SIM1: variants seen among roughly 807,000 people sequenced by gnomAD.
The protein encoded by SIM1 is single-minded homolog 1.
Under a neutral mutation model 78.2 loss-of-function variants are expected in SIM1, and 18 were observed. That is an observed-to-expected ratio of 0.23 (90% confidence interval 0.16 to 0.34). The LOEUF (loss-of-function observed/expected upper bound fraction) is 0.34. Among genes scored for constraint, SIM1 ranks in the 10% least tolerant of loss-of-function variants. SIM1 has a pLI of 1.00. For synonymous variants in SIM1, 417 were observed against 385.2 expected, an observed-to-expected ratio of 1.08 and a Z score of -0.97; for missense variants, 939 against 975.1, an observed-to-expected ratio of 0.96 and a Z score of 0.49.
Position 100,453,832 on chromosome 6 carries a change from G to A in SIM1, c.188C>T (p.Ala63Val), listed in dbSNP as rs755003872. 1 of 1,611,442 alleles carries A rather than the reference G, an allele frequency of 6.2e-7. No homozygotes were observed. The highest frequency in any genetic ancestry group is 8.5e-7 in the Non-Finnish European group (1 of 1,178,846). ...RVVFPEGLGE[A>V]WGHSSRTSPL... ...GCTGGTCCGACTTGAGTGGCCCCACGCCTCGCCGAGCCCTGTGGAGACACA... is the reference window on the plus strand; with the variant it reads ...GCTGGTCCGACTTGAGTGGCCCCACACCTCGCCGAGCCCTGTGGAGACACA... Residue 63 changes from alanine (A) to valine (V), a missense_variant, in exon 3 of 12, where the codon GCG becomes GTG. Around this residue, in one of 5 missense-constraint regions of SIM1, gnomAD observed 121 missense variants for 124.6 expected, o/e 0.97. Transcript: ENST00000369208.
At position 100,388,091 on chromosome 6, in the gene SIM1, A is replaced by T. The variant is rs1481085441; in HGVS notation, c.*2270T>A. The T allele has an allele frequency of 6.6e-6, 1 of 152,164 alleles. No individual in the cohort carries two copies. Among genetic ancestry groups the T allele is most frequent in the Non-Finnish European group, 1.5e-5 (1 of 68,006 alleles). The allele number at this position is 152,164 out of a possible 1,614,324, so 9.4% of individuals were successfully genotyped here. ...TGCAAATTGATCAAAACTCCATTTT[A>T]TGTATTCCAGGATTTCTCATAAATA... On this transcript the variant is annotated 3_prime_UTR_variant, in exon 12 of 12. Coordinates refer to ENST00000369208, the MANE Select transcript of SIM1 (RefSeq NM_005068.3).
chr6:100,422,255 G>T (rs1210403043), intron 9 of SIM1, among the ~76,000 whole-genome samples: 1 of 152,074 alleles, frequency 6.6e-6, no homozygotes, highest in Non-Finnish European at 1.5e-5. Flanking sequence ...CCAGGCTGGA[G>T]TGCAGTGGCA....
At chr6:100,406,990 AC>A (rs1037857416) in intron 10 of SIM1, among the ~76,000 whole-genome samples, 2 of 151,684 alleles carry the variant, frequency 1.3e-5, no homozygotes, top group Non-Finnish European at 2.9e-5. Flanking sequence ...CATTTCCCCC[AC>A]CCTCCAAGCC....
intron 10 of SIM1, among the ~76,000 whole-genome samples, chr6:100,411,355 T>G (rs1324615326): frequency 6.6e-6 from 1 of 152,136 alleles, no homozygotes; most frequent in Non-Finnish European, 1.5e-5. Flanking sequence ...AACCCTGGAG[T>G]ATGAGACAGA....
At chr6:100,399,996 A>C (rs1562234300) in intron 10 of SIM1, among the ~76,000 whole-genome samples, 2 of 152,078 alleles carry the variant, frequency 1.3e-5, no homozygotes, top group Non-Finnish European at 2.9e-5. Flanking sequence ...CTTTAAAAAA[A>C]GCATTAAATA....
At chr6:100,433,213 T>G (rs2114520742) in intron 9 of SIM1, among the ~76,000 whole-genome samples, 1 of 152,316 alleles carries the variant, frequency 6.6e-6, no homozygotes, top group East Asian at 1.9e-4. Context: ...GTGTGCAGAA[T>G]TCTCCAATGG....
intron 10 of SIM1, among the ~76,000 whole-genome samples, chr6:100,405,531 T>C (rs1047617250): frequency 6.6e-6 from 1 of 152,182 alleles, no homozygotes; most frequent in Admixed American, 6.5e-5. Flanking sequence ...GATTCATTTA[T>C]AGTTTAATCT....
At chr6:100,447,742 CG>C (rs1330377382) in intron 8 of SIM1, among the ~76,000 whole-genome samples, 1 of 152,198 alleles carries the variant, frequency 6.6e-6, no homozygotes, top group African/African-American at 2.4e-5. Context: ...AGCTGAGCTC[CG>C]GCGCTCACGA....
At chr6:100,430,582 G>C (rs241815) in intron 9 of SIM1, among the ~76,000 whole-genome samples, 1 of 152,052 alleles carries the variant, frequency 6.6e-6, no homozygotes, top group African/African-American at 2.4e-5. Context: ...TATGTTATTC[G>C]GGCTGCCTCT....
chr6:100,398,587 A>G (rs2114471009), intron 10 of SIM1, among the ~76,000 whole-genome samples: 1 of 152,240 alleles, frequency 6.6e-6, no homozygotes, highest in South Asian at 2.1e-4. Context: ...AGTTTCTTCC[A>G]TGTTTAAACA....
chr6:100,450,831 T>C (rs1772497592), intron 3 of SIM1, among the ~76,000 whole-genome samples: 1 of 152,064 alleles, frequency 6.6e-6, no homozygotes, highest in Non-Finnish European at 1.5e-5. Context: ...CAGTCAATTT[T>C]GGAAGGGCTG....
Position 100,432,588 on chromosome 6 carries a change from C to T in SIM1, c.999-11630G>A, listed in dbSNP as rs567806675. 8.5e-5 allele frequency among the ~76,000 whole-genome samples: 13 copies of T among 152,288 alleles called. No homozygotes were observed. The South Asian group carries it at 2.7e-3, about 32-fold the overall frequency. On this transcript the variant is annotated intron_variant, in intron 9 of 11. Coordinates refer to ENST00000369208, the MANE Select transcript of SIM1 (RefSeq NM_005068.3). ...ATCTTCCACTGAAGTACTCCCACCC[C>T]TACTTCCAACTGCTTACTTCCTCCT...
chr6:100,441,805 A>C (rs751067595), intron 9 of SIM1, among the ~76,000 whole-genome samples: 1 of 152,248 alleles, frequency 6.6e-6, no homozygotes, highest in Non-Finnish European at 1.5e-5. Context: ...CTTGTGAAGC[A>C]ACCACAAAGA....
Position 100,463,295 on chromosome 6 carries a change from T to C in SIM1, c.174A>G (p.Glu58=). 6.2e-7 allele frequency: 1 copy of C among 1,606,980 alleles called. No homozygotes were observed. Among genetic ancestry groups the C allele is most frequent in the African/African-American group, 1.3e-5 (1 of 74,962 alleles). The stretch of plus-strand genomic sequence containing the variant: ...TTCCATCTGGGCAAAGTCACTTACC[T>C]TCTGGGAACACCACTCTCATTTTGA... ...SYLKMRVVFP[E]GLGEAWGHSS... The change falls in exon 2 of 12, where the codon GAA becomes GAG. Residue 58 remains glutamate, a splice_region_variant and synonymous_variant. Coordinates refer to ENST00000369208, the MANE Select transcript of SIM1 (RefSeq NM_005068.3).
At chr6:100,393,989 C>A (rs1770710773) in intron 10 of SIM1, 100 bp from the exon 11 acceptor site, 5 of 1,249,620 alleles carry the variant, frequency 4.0e-6, no homozygotes, top group Non-Finnish European at 3.3e-6. Flanking sequence ...CTACAAGCAC[C>A]CTTAAGGTCT....
intron 2 of SIM1, among the ~76,000 whole-genome samples, chr6:100,460,588 T>C (rs1470822171): frequency 2.0e-5 from 3 of 152,236 alleles, no homozygotes; most frequent in Non-Finnish European, 4.4e-5. Context: ...GGTGGCTTCA[T>C]GATAAATGTA....
chr6:100,429,400 G>A (rs1771835940), intron 9 of SIM1, among the ~76,000 whole-genome samples: 1 of 151,126 alleles, frequency 6.6e-6, no homozygotes, highest in South Asian at 2.1e-4. Context: ...ATATACAAGG[G>A]TGTTTATCAC....
chr6:100,401,608 G>A (rs1398056200), intron 10 of SIM1, among the ~76,000 whole-genome samples: 1 of 151,426 alleles, frequency 6.6e-6, no homozygotes, highest in Non-Finnish European at 1.5e-5. Context: ...GGAAGGGAAA[G>A]AGAAAAAAAA....
chr6:100,435,920 G>A (rs957495665), intron 9 of SIM1, among the ~76,000 whole-genome samples: 1 of 152,104 alleles, frequency 6.6e-6, no homozygotes, highest in African/African-American at 2.4e-5. Flanking sequence ...ACGTCCTTGA[G>A]AGAGTTAAAG....
Sources: allele counts gnomAD v4.1 joint callset (sites outside exome capture counted in the v4.1 genomes callset), GRCh38; gene constraint gnomAD v4.1.1; regional missense constraint gnomAD v4.1.1; transcripts MANE v1.5; gene names NCBI Gene and HGNC (gene_info 2026-07-23, HGNC 2026-07-21).